FBXL13: variants seen among roughly 807,000 people sequenced by gnomAD.
FBXL13 encodes F-box and leucine rich repeat protein 13, also known as F-box and leucine-rich repeat protein 13.
A neutral mutation model predicts 83.6 loss-of-function variants in FBXL13; 67 were observed. The observed-to-expected ratio is 0.80, with a 90% CI of 0.66 to 0.98. FBXL13 has a LOEUF of 0.98. Among genes scored for constraint, FBXL13 ranks in the 50% least tolerant of loss-of-function variants. The pLI is 0.00. For synonymous variants in FBXL13, 272 were observed against 299.5 expected (o/e 0.91, Z 0.95); for missense variants, 822 against 866.5 (o/e 0.95, Z 0.64).
At chr7:102,913,551 C>T (rs944468241) in intron 10 of FBXL13, among the ~76,000 whole-genome samples, 4 of 152,010 alleles carry the variant, frequency 2.6e-5, no homozygotes, top group African/African-American at 9.7e-5. Flanking sequence ...GGAAGTGAAA[C>T]CAAATTTGCA....
intron 6 of FBXL13, among the ~76,000 whole-genome samples, chr7:103,022,289 A>G (rs1230879045): frequency 2.0e-5 from 3 of 147,064 alleles, no homozygotes; most frequent in African/African-American, 7.4e-5. Flanking sequence ...ATGAGAACAC[A>G]TGGACACAGG....
intron 6 of FBXL13, among the ~76,000 whole-genome samples, chr7:103,010,267 GAACTT>G (rs1433856305): frequency 2.0e-5 from 3 of 151,998 alleles, no homozygotes. Flanking sequence ...ACTCCTATGT[GAACTT>G]AGCTAGAGGG....
At position 102,848,555 on chromosome 7, in the gene FBXL13, C is replaced by CAAAAAA. The variant is rs59060531; in HGVS notation, c.1719+6216_1719+6221dup. 1.6e-3 allele frequency among the ~76,000 whole-genome samples: 3 copies of CAAAAAA among 1,826 alleles called. 1 individual carries two copies. Among genetic ancestry groups the CAAAAAA allele is most frequent in the Non-Finnish European group, 2.7e-3 (3 of 1,116 alleles). The allele number at this position is 1,826 out of a possible 152,430, so 1.2% of individuals were successfully genotyped here. A position where few individuals can be genotyped will look rare whatever the true frequency, so the allele number is the denominator to read the frequency against. ...TGGGCGACAGAGCGAGACTCCGTCT[C>CAAAAAA]AAAAAAAAAAAAAAAAAAAAAAAAA... On this transcript the variant is annotated intron_variant, in intron 17 of 19. Transcript: ENST00000313221.
intron 1 of FBXL13, among the ~76,000 whole-genome samples, chr7:103,061,390 T>C (rs1226452052): frequency 2.0e-5 from 3 of 152,132 alleles, no homozygotes; most frequent in Non-Finnish European, 4.4e-5. Flanking sequence ...TAATAAATCA[T>C]GTGCTTTTCT....
At chr7:102,822,408 C>T (rs1357515297) in intron 18 of FBXL13, 5 of 678,864 alleles carry the variant, frequency 7.4e-6, no homozygotes, top group Non-Finnish European at 1.3e-5. Context: ...TGGGAAGTCC[C>T]TCCTTATTTG....
At chr7:102,992,044 C>CT (rs374308269) in intron 6 of FBXL13, among the ~76,000 whole-genome samples, 18 of 152,030 alleles carry the variant, frequency 1.2e-4, no homozygotes, top group East Asian at 3.9e-4. Flanking sequence ...CACATGGGTC[C>CT]TTTTTTTTAA....
intron 8 of FBXL13, chr7:102,939,347 T>G (rs1820940029): frequency 8.4e-7 from 1 of 1,195,648 alleles, no homozygotes; most frequent in African/African-American, 1.5e-5. Context: ...AAGAGCTGAT[T>G]CTTCAATCAC....
chr7:103,056,738 A>G (rs992186454), intron 1 of FBXL13, among the ~76,000 whole-genome samples: 1 of 152,110 alleles, frequency 6.6e-6, no homozygotes, highest in African/African-American at 2.4e-5. Context: ...GATTACAGGC[A>G]TGATCCACCA....
intron 17 of FBXL13, among the ~76,000 whole-genome samples, chr7:102,851,160 C>T (rs1378104425): frequency 1.3e-5 from 2 of 152,076 alleles, no homozygotes; most frequent in East Asian, 3.9e-4. Context: ...TAGGGAGTTG[C>T]TTTAGATGTT....
intron 1 of FBXL13, among the ~76,000 whole-genome samples, chr7:103,072,653 G>A (rs1161042470): frequency 6.6e-6 from 1 of 152,138 alleles, no homozygotes; most frequent in East Asian, 1.9e-4. Flanking sequence ...CACTCAGAAT[G>A]GCTGCACCCT....
chr7:102,984,413 A>G (rs1387130312), intron 6 of FBXL13, among the ~76,000 whole-genome samples: 1 of 152,210 alleles, frequency 6.6e-6, no homozygotes, highest in East Asian at 1.9e-4. Flanking sequence ...AGAGAGAAAG[A>G]TAATTACTTA....
intron 16 of FBXL13, 46 bp from the exon 18 acceptor site, chr7:102,854,906 A>T (rs1253123038): frequency 9.1e-7 from 1 of 1,098,764 alleles, no homozygotes; most frequent in Non-Finnish European, 1.3e-6. Context: ...ATCATTTAGT[A>T]TGGAATATAT....
chr7:103,033,640 T>C (rs1430261802), intron 2 of FBXL13, among the ~76,000 whole-genome samples: 1 of 152,100 alleles, frequency 6.6e-6, no homozygotes, highest in Non-Finnish European at 1.5e-5. Context: ...TTTGTGGTCT[T>C]GTTGGCTTCA....
At chr7:102,981,521 T>C (rs1339242499) in intron 6 of FBXL13, among the ~76,000 whole-genome samples, 1 of 152,218 alleles carries the variant, frequency 6.6e-6, no homozygotes, top group Non-Finnish European at 1.5e-5. Context: ...AGCATTCTCC[T>C]ATTGTCTTAG....
intron 1 of FBXL13, among the ~76,000 whole-genome samples, chr7:103,067,787 T>C (rs764689357): frequency 1.3e-5 from 2 of 152,236 alleles, no homozygotes; most frequent in Admixed American, 6.5e-5. Context: ...GAGGCAATAA[T>C]AAAATGAATA....
chr7:102,909,994 G>T (rs1016915912), intron 11 of FBXL13, among the ~76,000 whole-genome samples: 1 of 152,154 alleles, frequency 6.6e-6, no homozygotes, highest in Admixed American at 6.5e-5. Flanking sequence ...GGCCTAGACT[G>T]CCTTTCAAGT....
Position 103,072,621 on chromosome 7 carries a change from G to A in FBXL13, c.-105+1625C>T, listed in dbSNP as rs189154830. Among the ~76,000 whole-genome samples the A allele has an allele frequency of 3.4e-3, 524 of 152,220 alleles. 6 individuals carry two copies. Among genetic ancestry groups the A allele is most frequent in the South Asian group, 0.021 (101 of 4,828 alleles). ...GTCCATTTCTGCCACCTGCTCCACC[G>A]CCATATCACAGACTGAGCCATCACT... On this transcript the variant is annotated intron_variant, in intron 1 of 19. Transcript: ENST00000313221.
chr7:102,846,319 C>T (rs1389095848), intron 17 of FBXL13, among the ~76,000 whole-genome samples: 1 of 152,124 alleles, frequency 6.6e-6, no homozygotes, highest in Admixed American at 6.5e-5. Context: ...CACATTTTCA[C>T]AAAATTAATT....
intron 2 of FBXL13, among the ~76,000 whole-genome samples, chr7:103,052,100 G>T (rs558970189): frequency 6.6e-6 from 1 of 152,242 alleles, no homozygotes; most frequent in African/African-American, 2.4e-5. Flanking sequence ...CTGCAATTAG[G>T]CAATCCACAA....
Sources: gnomAD v4.1 joint callset for allele counts (sites outside exome capture counted in the v4.1 genomes callset) on GRCh38, gnomAD v4.1.1 for gene constraint, MANE v1.5 for transcripts, NCBI Gene and HGNC (gene_info 2026-07-23, HGNC 2026-07-21) for gene names.